IFT80: variants seen among roughly 807,000 people sequenced by gnomAD.
IFT80 encodes intraflagellar transport protein 80 homolog.
IFT80 carries 79 observed loss-of-function variants against 107.9 expected under a neutral mutation model. That is an observed-to-expected ratio of 0.73 (90% CI 0.61 to 0.88). IFT80 has a LOEUF of 0.88. Among genes scored for constraint, IFT80 ranks in the 40% least tolerant of loss-of-function variants. The probability of loss-of-function intolerance (pLI) is 0.00; values close to 1 mark genes in which losing one functional copy is unlikely to be tolerated. For missense variants in IFT80, 797 were observed against 914.2 expected, an observed-to-expected ratio of 0.87 and a Z score of 1.65; for synonymous variants, 299 against 300.9, an observed-to-expected ratio of 0.99 and a Z score of 0.07.
At chr3:160,344,257 TC>T (rs1720123523) in intron 8 of IFT80, among the ~76,000 whole-genome samples, 1 of 152,196 alleles carries the variant, frequency 6.6e-6, no homozygotes, top group South Asian at 2.1e-4. Context: ...ATAATTTCTA[TC>T]CTTTTACTGG....
intron 8 of IFT80, among the ~76,000 whole-genome samples, chr3:160,322,128 G>A (rs2108301738): frequency 6.6e-6 from 1 of 151,520 alleles, no homozygotes; most frequent in Non-Finnish European, 1.5e-5. Flanking sequence ...TTGGTGTGCT[G>A]CACCCATTAA....
At chr3:160,365,258 T>C (rs1203041786) in intron 6 of IFT80, among the ~76,000 whole-genome samples, 1 of 152,122 alleles carries the variant, frequency 6.6e-6, no homozygotes, top group African/African-American at 2.4e-5. Context: ...CTATAGTTCC[T>C]AGCAGAGTGT....
intron 19 of IFT80, 84 bp downstream of exon 19, chr3:160,268,329 C>T (rs1713509498): frequency 1.6e-6 from 2 of 1,220,090 alleles, no homozygotes; most frequent in Non-Finnish European, 2.4e-6. Context: ...AAATTTGAAT[C>T]ATTCACATTT....
Position 160,258,530 on chromosome 3 carries a change from G to C in IFT80, c.2329C>G (p.Pro777Ala). The C allele has an allele frequency of 6.2e-7, 1 of 1,613,622 alleles. No individual in the cohort carries two copies. Among genetic ancestry groups the C allele is most frequent in the Non-Finnish European group, 8.5e-7 (1 of 1,179,946 alleles). Residue 777 changes from proline to alanine, a missense_variant, in exon 20 of 20, where the codon CCC becomes GCC. Transcript: ENST00000326448. The stretch of plus-strand genomic sequence containing the variant: ...CTTAAAGATACGCATGGCATTTAGG[G>C]CTTTAAACCTATACTCTTGCTGGAT... ...SQSSKSIGLK[P>A] is the part of the protein sequence containing the mutation.
At chr3:160,362,088 A>G (rs1721532331) in intron 6 of IFT80, among the ~76,000 whole-genome samples, 3 of 152,214 alleles carry the variant, frequency 2.0e-5, no homozygotes, top group Admixed American at 2.0e-4. Flanking sequence ...TGAATCCAGG[A>G]GCTGGTTTTT....
intron 8 of IFT80, among the ~76,000 whole-genome samples, chr3:160,335,371 G>A (rs1401865044): frequency 6.6e-6 from 1 of 151,658 alleles, no homozygotes; most frequent in Non-Finnish European, 1.5e-5. Flanking sequence ...ACAGGCACCC[G>A]TCAGCACACC....
intron 8 of IFT80, among the ~76,000 whole-genome samples, chr3:160,355,730 G>T (rs1309145431): frequency 6.6e-6 from 1 of 151,960 alleles, no homozygotes; most frequent in Non-Finnish European, 1.5e-5. Context: ...CATATTGAAT[G>T]GGCATAAATT....
chr3:160,313,026 TTA>T (rs1302761119), intron 9 of IFT80, among the ~76,000 whole-genome samples: 6 of 88,786 alleles, frequency 6.8e-5, no homozygotes, highest in African/African-American at 9.1e-5. Flanking sequence ...TAAATATATA[TTA>T]TATATAAATA....
chr3:160,348,069 T>A (rs1325510205), intron 8 of IFT80, among the ~76,000 whole-genome samples: 5 of 152,188 alleles, frequency 3.3e-5, no homozygotes. Flanking sequence ...GGGTTTTAGG[T>A]CATTATTAAT....
At chr3:160,396,322 A>G (rs1232501537) in intron 1 of IFT80, among the ~76,000 whole-genome samples, 1 of 150,320 alleles carries the variant, frequency 6.7e-6, no homozygotes, top group Admixed American at 6.7e-5. Context: ...TTCTCTAAAT[A>G]TTTATACAAT....
intron 18 of IFT80, among the ~76,000 whole-genome samples, chr3:160,269,197 C>T (rs1713599429): frequency 1.3e-5 from 2 of 149,506 alleles, no homozygotes; most frequent in South Asian, 4.2e-4. Flanking sequence ...CCACTGCATT[C>T]CGGCCTGGGT....
chr3:160,398,650 G>C (rs1318355016), intron 1 of IFT80, among the ~76,000 whole-genome samples: 1 of 151,958 alleles, frequency 6.6e-6, no homozygotes, highest in Non-Finnish European at 1.5e-5. Flanking sequence ...CAGACCTCAG[G>C]TTAAAAACCC....
chr3:160,307,678 TG>T lies in IFT80; in HGVS notation c.1060del (p.Gln354AsnfsTer25). 1 of 1,543,992 alleles carries T rather than the reference TG, an allele frequency of 6.5e-7. No individual in the cohort carries two copies. Among genetic ancestry groups the T allele is most frequent in the Non-Finnish European group, 9.0e-7 (1 of 1,116,398 alleles). On this transcript the variant is annotated frameshift_variant, in exon 10 of 20. Transcript: ENST00000326448. LOFTEE classifies it high-confidence loss of function. ...AGATGCTTACGAGAACACGTAACAT[TG>T]AAGAGACGTTGAAACAACTAAGTGT... is the stretch of plus-strand genomic sequence containing the variant. ...YAHLVVSTSL[Q>X]CYVFSTKNWN...
chr3:160,290,906 T>C lies in IFT80; in HGVS notation c.1316-5038A>G, dbSNP rs74902480. On this transcript the variant is annotated intron_variant, in intron 12 of 19. Coordinates refer to ENST00000326448, the MANE Select transcript of IFT80 (RefSeq NM_020800.3). ...TAGTTGTGTCTCATTTACCAGGATATATTATGCGGACTGATATTATGTCTG... is the reference window on the plus strand; with the variant it reads ...TAGTTGTGTCTCATTTACCAGGATACATTATGCGGACTGATATTATGTCTG... 1.8e-3 allele frequency among the ~76,000 whole-genome samples: 267 copies of C among 152,230 alleles called. 2 individuals are homozygous for C. The highest frequency in any genetic ancestry group is 6.2e-3 in the African/African-American group (257 of 41,544).
chr3:160,271,749 A>T (rs1713826857), intron 18 of IFT80, among the ~76,000 whole-genome samples: 1 of 152,156 alleles, frequency 6.6e-6, no homozygotes, highest in African/African-American at 2.4e-5. Context: ...GGATATTAAA[A>T]GCAATCTAAT....
At position 160,300,883 on chromosome 3, in the gene IFT80, T is replaced by C. The variant is rs750652226; in HGVS notation, c.1315A>G (p.Ile439Val). The C allele has an allele frequency of 3.8e-6, 6 of 1,596,634 alleles. No homozygotes were observed. In the Admixed American group the frequency reaches 1.0e-4, roughly 28 times the overall value. ...GGAAAAATTATAAAAATATACTTAC[T>C]TTTTTCATCAGCTTTGTCTCTTATT... ...IAIRDKADEK[I>V]IFLFEASTGK... Residue 439 changes from isoleucine to valine, a missense_variant and splice_region_variant, in exon 12 of 20, where the codon ATA (isoleucine) becomes GTA (valine). Physicochemically the swap from Ile to Val is conservative, Grantham distance 29 (BLOSUM62 3). Coordinates refer to ENST00000326448, the MANE Select transcript of IFT80 (RefSeq NM_020800.3).
chr3:160,374,848 A>G (rs1711875471), intron 5 of IFT80, among the ~76,000 whole-genome samples: 1 of 152,196 alleles, frequency 6.6e-6, no homozygotes, highest in South Asian at 2.1e-4. Context: ...GGCTACTTCT[A>G]TGAACTCTGA....
chr3:160,326,321 T>G (rs1189210543), intron 8 of IFT80, among the ~76,000 whole-genome samples: 5 of 152,020 alleles, frequency 3.3e-5, no homozygotes. Context: ...CCTAACTCAT[T>G]CTATGAGGTC....
chr3:160,352,012 T>G (rs1391792520), intron 8 of IFT80, among the ~76,000 whole-genome samples: 1 of 149,274 alleles, frequency 6.7e-6, no homozygotes, highest in African/African-American at 2.5e-5. Flanking sequence ...CATAACACAA[T>G]AGTAATTTTT....
Sources: allele counts gnomAD v4.1 joint callset (sites outside exome capture counted in the v4.1 genomes callset), GRCh38; gene constraint gnomAD v4.1.1; transcripts MANE v1.5; gene names NCBI Gene and HGNC (gene_info 2026-07-23, HGNC 2026-07-21).